The following PFKP variants were observed in gnomAD, a reference collection of about 807,000 sequenced individuals.
PFKP encodes ATP-dependent 6-phosphofructokinase, platelet type.
PFKP carries 101 observed loss-of-function variants against 94.3 expected under a neutral mutation model. The observed-to-expected ratio is 1.07, with a 90% CI of 0.91 to 1.26. PFKP has a LOEUF of 1.26. PFKP is among the 50% of genes most tolerant of loss of function. The pLI is 0.00. For missense variants in PFKP, 1,145 were observed against 1,103.3 expected, an observed-to-expected ratio of 1.04 and a Z score of -0.53; for synonymous variants, 573 against 432.6, an observed-to-expected ratio of 1.32 and a Z score of -4.03.
In PFKP at chr10:3,108,732, G is replaced by A; in HGVS notation, c.902G>A (p.Arg301His). Reference sequence around the variant, plus strand: ...GTCACGCAGCTGGGCTATGACACACGTGTGACCATCCTCGGGCACGTGCAG... The same window carrying A: ...GTCACGCAGCTGGGCTATGACACACATGTGACCATCCTCGGGCACGTGCAG... ...LVVTQLGYDT[R>H]VTILGHVQRG... Residue 301 changes from arginine to histidine, a missense_variant, in exon 9 of 22, where the codon CGT becomes CAT. Arg to His is a conservative substitution (Grantham distance 29). Transcript: ENST00000381125. 5 of 1,613,958 alleles carry A rather than the reference G, an allele frequency of 3.1e-6. No individual in the cohort carries two copies. Among genetic ancestry groups the A allele is most frequent in the Non-Finnish European group, 4.2e-6 (5 of 1,179,906 alleles).
chr10:3,076,556 A>C (rs1832608804), intron 1 of PFKP, among the ~76,000 whole-genome samples: 4 of 147,494 alleles, frequency 2.7e-5, no homozygotes, highest in Admixed American at 6.7e-5. Flanking sequence ...AACACCCCCC[A>C]CCCCGCTTGT....
Position 3,135,732 on chromosome 10 carries a change from A to G in PFKP, c.2123-4A>G, listed in dbSNP as rs1243799846. 3 of 1,587,860 alleles carry G rather than the reference A, an allele frequency of 1.9e-6. No individual in the cohort carries two copies. The highest frequency in any genetic ancestry group is 1.7e-5 in the Admixed American group (1 of 59,268). On this transcript the variant is annotated splice_polypyrimidine_tract_variant and splice_region_variant and intron_variant, in intron 20 of 21. Coordinates refer to ENST00000381125, the MANE Select transcript of PFKP (RefSeq NM_002627.5). Reference sequence around the variant, plus strand: ...TTATTAATCTTTTTTAAAATCTTTTATAGGAAAAAAATTTACCACCGATGA... The same window carrying G: ...TTATTAATCTTTTTTAAAATCTTTTGTAGGAAAAAAATTTACCACCGATGA...
At chr10:3,072,917 G>T (rs575188970) in intron 1 of PFKP, among the ~76,000 whole-genome samples, 1 of 151,944 alleles carries the variant, frequency 6.6e-6, no homozygotes, top group Admixed American at 6.6e-5. Context: ...ACAGAGGGCC[G>T]TATGTCAGTA....
intron 1 of PFKP, among the ~76,000 whole-genome samples, chr10:3,079,800 T>C (rs550245254): frequency 6.6e-6 from 1 of 152,076 alleles, no homozygotes; most frequent in East Asian, 1.9e-4. Context: ...TAGCGTAAGG[T>C]CCTGGAACCA....
At chr10:3,091,732 A>G (rs1834053837) in intron 2 of PFKP, among the ~76,000 whole-genome samples, 1 of 152,080 alleles carries the variant, frequency 6.6e-6, no homozygotes, top group African/African-American at 2.4e-5. Context: ...GTTGCAGTGA[A>G]CCTAGATTGC....
intron 2 of PFKP, among the ~76,000 whole-genome samples, chr10:3,084,666 T>C (rs1488428745): frequency 2.0e-5 from 3 of 148,486 alleles, no homozygotes; most frequent in African/African-American, 4.9e-5. Context: ...GGATGTGGAA[T>C]GAGCACAGTA....
At chr10:3,100,843 G>A in intron 3 of PFKP, 1 of 667,646 alleles carries the variant, frequency 1.5e-6, no homozygotes. Context: ...TCTTTAAAAG[G>A]GGCAGCGAGT....
intron 21 of PFKP, among the ~76,000 whole-genome samples, 158 bp downstream of exon 21, chr10:3,135,996 T>C (rs1350594361): frequency 6.6e-6 from 1 of 152,148 alleles, no homozygotes; most frequent in Non-Finnish European, 1.5e-5. Context: ...CTGGGCGCGG[T>C]GGCTCATGCC....
rs1834999819 is a variant in PFKP, at chr10:3,101,560, T to C, written c.454+6T>C. 3.3e-6 allele frequency: 5 copies of C among 1,522,336 alleles called. No individual in the cohort carries two copies. The highest frequency in any genetic ancestry group is 4.4e-6 in the Non-Finnish European group (5 of 1,134,150). The allele number at this position is 1,522,336 out of a possible 1,614,324, so 94.3% of individuals were successfully genotyped here. On this transcript the variant is annotated splice_donor_region_variant and intron_variant, in intron 4 of 21. Coordinates refer to ENST00000381125, the MANE Select transcript of PFKP (RefSeq NM_002627.5). ...GGAGGAGCTGGCCAGGAACGGTGAGTGGACACCTGCTCCTCTGTCCTGCGG... is the reference window on the plus strand; with the variant it reads ...GGAGGAGCTGGCCAGGAACGGTGAGCGGACACCTGCTCCTCTGTCCTGCGG...
chr10:3,076,832 G>C (rs964412881), intron 1 of PFKP, among the ~76,000 whole-genome samples: 2 of 152,092 alleles, frequency 1.3e-5, no homozygotes, highest in African/African-American at 4.8e-5. Flanking sequence ...ACGGTGGTCT[G>C]CACAGTCCAG....
At chr10:3,116,237 A>G (rs1318979510) in intron 13 of PFKP, among the ~76,000 whole-genome samples, 1 of 152,158 alleles carries the variant, frequency 6.6e-6, no homozygotes, top group African/African-American at 2.4e-5. Flanking sequence ...GCAGCATGGC[A>G]GTGTGTCCAC....
chr10:3,082,785 C>A (rs896470226), intron 2 of PFKP, among the ~76,000 whole-genome samples: 10 of 152,302 alleles, frequency 6.6e-5, no homozygotes, highest in Admixed American at 5.9e-4. Flanking sequence ...GAGGCACGAT[C>A]TTGGCTCACT....
chr10:3,136,405 G>T, intron 21 of PFKP, 45 bp from the exon 22 acceptor site: 2 of 1,603,842 alleles, frequency 1.2e-6, no homozygotes, highest in Non-Finnish European at 1.7e-6. Context: ...GGCATCTCCC[G>T]CCAGTGACTG....
At position 3,108,156 on chromosome 10, in the gene PFKP, C is replaced by T. The variant is rs538438667; in HGVS notation, c.871-545C>T. Among the ~76,000 whole-genome samples the T allele has an allele frequency of 9.2e-5, 14 of 152,278 alleles. No individual in the cohort carries two copies. The South Asian group carries it at 1.2e-3, about 14-fold the overall frequency. On this transcript the variant is annotated intron_variant, in intron 8 of 21. Transcript: ENST00000381125. The stretch of plus-strand genomic sequence containing the variant: ...GTAATTAAATTATAGGACAATGGAC[C>T]GAGAAGGAACCAAGGAATTTACGTA...
At chr10:3,103,194 T>G (rs760928682) in intron 4 of PFKP, among the ~76,000 whole-genome samples, 9 of 152,268 alleles carry the variant, frequency 5.9e-5, no homozygotes, top group Non-Finnish European at 1.2e-4. Flanking sequence ...CTGAGATGTT[T>G]GTTTACCGAT....
intron 2 of PFKP, among the ~76,000 whole-genome samples, chr10:3,094,966 T>C (rs1393713394): frequency 6.6e-6 from 1 of 152,206 alleles, no homozygotes; most frequent in Non-Finnish European, 1.5e-5. Flanking sequence ...AAGCTGGTGA[T>C]AACACTATCT....
At position 3,068,567 on chromosome 10, in the gene PFKP, A is replaced by G. The variant is rs1040379272; in HGVS notation, c.112+860A>G. On this transcript the variant is annotated intron_variant, in intron 1 of 21. Coordinates refer to ENST00000381125, the MANE Select transcript of PFKP (RefSeq NM_002627.5). ...CGGGCTTCCCTGCCCTGCAATGTGGAAGCTGCTCTCTAGGAGGGGCCCGAG... is the reference window on the plus strand; with the variant it reads ...CGGGCTTCCCTGCCCTGCAATGTGGGAGCTGCTCTCTAGGAGGGGCCCGAG... 12 of 612,238 alleles carry G rather than the reference A, an allele frequency of 2.0e-5. 1 individual carries two copies. The South Asian group carries it at 5.7e-4, about 29-fold the overall frequency. 37.9% of individuals were successfully genotyped at this position (612,238 alleles called of 1,614,324 possible). A position where few individuals can be genotyped will look rare whatever the true frequency, so the allele number is the denominator to read the frequency against.
chr10:3,096,613 C>T (rs1016037953), intron 2 of PFKP, among the ~76,000 whole-genome samples: 2 of 151,198 alleles, frequency 1.3e-5, no homozygotes, highest in African/African-American at 4.9e-5. Flanking sequence ...GGGTCCGTTT[C>T]ACGGTGGCCC....
intron 1 of PFKP, among the ~76,000 whole-genome samples, chr10:3,077,013 C>T (rs1247804886): frequency 6.6e-6 from 1 of 152,098 alleles, no homozygotes; most frequent in East Asian, 1.9e-4. Flanking sequence ...GTGAGATCAG[C>T]GCGGTGTAAG....
Sources: gnomAD v4.1 joint callset for allele counts (sites outside exome capture counted in the v4.1 genomes callset) on GRCh38, gnomAD v4.1.1 for gene constraint, MANE v1.5 for transcripts, NCBI Gene and HGNC (gene_info 2026-07-23, HGNC 2026-07-21) for gene names.